The following PTPRT variants were observed in gnomAD, a reference collection of about 807,000 sequenced individuals.
PTPRT encodes protein tyrosine phosphatase receptor type T, also known as receptor-type tyrosine-protein phosphatase T.
In PTPRT, 56 loss-of-function variants were observed where a neutral mutation model predicts 176.8. The observed-to-expected ratio is 0.32, with a 90% CI of 0.26 to 0.40. PTPRT has a LOEUF of 0.40. Ranked by LOEUF, PTPRT falls within the 10% of genes least tolerant of loss-of-function variation. The pLI is 1.00. For missense variants in PTPRT, 1,540 were observed against 1,908.2 expected (o/e 0.81, Z 3.60); for synonymous variants, 783 against 739.0 (o/e 1.06, Z -0.96).
At chr20:43,112,267 C>A (rs978242162) in intron 1 of PTPRT, among the ~76,000 whole-genome samples, 9 of 152,044 alleles carry the variant, frequency 5.9e-5, no homozygotes, top group East Asian at 1.9e-4. Context: ...AAACACACAC[C>A]CACCCTAAAA....
In PTPRT at chr20:42,494,270, G is replaced by A. The variant is rs6130148; in HGVS notation, c.1154-21708C>T. ...CACCTCTAATCCTCTATTTTAATTT[G>A]TTTTTATTGATCTCTTTGAAAATTA... On this transcript the variant is annotated intron_variant, in intron 7 of 30. Coordinates refer to ENST00000373187, the MANE Select transcript of PTPRT (RefSeq NM_007050.6). 3.0e-4 allele frequency among the ~76,000 whole-genome samples: 46 copies of A among 152,102 alleles called. No homozygotes were observed. In the East Asian group the frequency reaches 8.3e-3, roughly 27 times the overall value.
Position 42,118,423 on chromosome 20 carries a change from T to C in PTPRT, c.2962A>G (p.Asn988Asp), listed in dbSNP as rs1454235677. 2 of 1,612,968 alleles carry C rather than the reference T, an allele frequency of 1.2e-6. No homozygotes were observed. The highest frequency in any genetic ancestry group is 1.7e-5 in the Admixed American group (1 of 59,932). Reference sequence around the variant, plus strand: ...CTTACCCTGCCCACTTCCACCAGGTTTGTGACCATGACGATGCTGGCGGAG... The same window carrying C: ...CTTACCCTGCCCACTTCCACCAGGTCTGTGACCATGACGATGCTGGCGGAG... ...ENSASIVMVT[N>D]LVEVGRVKCV... The change falls in exon 21 of 31, where the codon AAC (asparagine) becomes GAC (aspartate). Residue 988 changes from asparagine to aspartate, a missense_variant. Coordinates refer to ENST00000373187, the MANE Select transcript of PTPRT (RefSeq NM_007050.6).
intron 7 of PTPRT, among the ~76,000 whole-genome samples, chr20:42,601,913 C>A (rs8114932): frequency 6.6e-6 from 1 of 151,784 alleles, no homozygotes; most frequent in South Asian, 2.1e-4. Flanking sequence ...AGGTCTGTGC[C>A]GGGCAGGATG....
chr20:42,384,418 T>A (rs147066528), intron 9 of PTPRT, among the ~76,000 whole-genome samples: 1 of 152,198 alleles, frequency 6.6e-6, no homozygotes, highest in East Asian at 1.9e-4. Context: ...TTCTGATGGG[T>A]GGACAAGGGT....
intron 1 of PTPRT, among the ~76,000 whole-genome samples, chr20:42,890,742 G>A (rs887913022): frequency 1.3e-5 from 2 of 152,164 alleles, no homozygotes; most frequent in South Asian, 4.1e-4. Flanking sequence ...AGGTGTTTAT[G>A]GCAGCTTAGG....
intron 1 of PTPRT, among the ~76,000 whole-genome samples, chr20:42,912,631 C>G (rs980330944): frequency 2.6e-5 from 4 of 152,150 alleles, no homozygotes; most frequent in Non-Finnish European, 1.5e-5. Flanking sequence ...TAAATATTCA[C>G]CTGTATCATT....
chr20:42,195,837 C>T (rs928806698), intron 16 of PTPRT, among the ~76,000 whole-genome samples: 2 of 152,110 alleles, frequency 1.3e-5, no homozygotes, highest in Admixed American at 6.5e-5. Flanking sequence ...TACATACACA[C>T]CTTAATCATT....
intron 2 of PTPRT, among the ~76,000 whole-genome samples, chr20:42,829,894 C>A (rs1251895317): frequency 6.6e-6 from 1 of 152,060 alleles, no homozygotes; most frequent in Non-Finnish European, 1.5e-5. Flanking sequence ...AAAGACTGAA[C>A]CAGGAAGAAG....
chr20:42,695,540 T>C (rs1417871286), intron 6 of PTPRT, among the ~76,000 whole-genome samples: 1 of 152,154 alleles, frequency 6.6e-6, no homozygotes. Flanking sequence ...GGATGATGAA[T>C]AGTTAATTTA....
At chr20:42,967,911 T>G (rs982552358) in intron 1 of PTPRT, among the ~76,000 whole-genome samples, 2 of 152,148 alleles carry the variant, frequency 1.3e-5, no homozygotes, top group African/African-American at 4.8e-5. Flanking sequence ...GGCAACCCAA[T>G]GAGGGACATC....
rs1012031115 is a variant in PTPRT at position 42,353,353 on chromosome 20, T to C, written c.1561-1068A>G. 2.0e-5 allele frequency among the ~76,000 whole-genome samples: 3 copies of C among 152,234 alleles called. No homozygotes were observed. In the South Asian group the frequency reaches 6.2e-4, roughly 31 times the overall value. The stretch of plus-strand genomic sequence containing the variant: ...TCCTTGGGGGCATCAGGATAGCTAC[T>C]CTCATTTTAATAATGGAGAAACTGA... On this transcript the variant is annotated intron_variant, in intron 9 of 30. Coordinates refer to ENST00000373187, the MANE Select transcript of PTPRT (RefSeq NM_007050.6).
chr20:42,076,156 A>G lies in PTPRT; in HGVS notation c.*4723T>C. 1 of 202,398 alleles carries G rather than the reference A, an allele frequency of 4.9e-6. No homozygotes were observed. The highest frequency in any genetic ancestry group is 1.0e-5 in the Non-Finnish European group (1 of 98,428). The allele number at this position is 202,398 out of a possible 1,614,324, so 12.5% of individuals were successfully genotyped here. ...ACCACAACCCCATGCCTTACCCAGG[A>G]ATTAATTGTGCCATAGTAATCTCGA... On this transcript the variant is annotated 3_prime_UTR_variant, in exon 31 of 31. Transcript: ENST00000373187.
intron 17 of PTPRT, among the ~76,000 whole-genome samples, chr20:42,155,899 G>A (rs996735606): frequency 6.6e-6 from 1 of 152,130 alleles, no homozygotes. Flanking sequence ...AGAAAGTCCT[G>A]CTCTCTTCGA....
intron 1 of PTPRT, among the ~76,000 whole-genome samples, chr20:43,125,140 C>A (rs548576912): frequency 6.7e-6 from 1 of 149,908 alleles, no homozygotes; most frequent in Non-Finnish European, 1.5e-5. Flanking sequence ...GGATTACAGG[C>A]ATGTGCCGCC....
chr20:43,145,748 C>A (rs2014149787), intron 1 of PTPRT, among the ~76,000 whole-genome samples: 1 of 152,220 alleles, frequency 6.6e-6, no homozygotes, highest in Non-Finnish European at 1.5e-5. Context: ...CCAAAGCCAG[C>A]AAGAATCACT....
intron 6 of PTPRT, among the ~76,000 whole-genome samples, chr20:42,679,128 G>A (rs1446224869): frequency 6.6e-6 from 1 of 152,166 alleles, no homozygotes; most frequent in Non-Finnish European, 1.5e-5. Context: ...AGTCAGCTAA[G>A]TAGACCAGAG....
chr20:42,503,545 T>G (rs1371551740), intron 7 of PTPRT, among the ~76,000 whole-genome samples: 1 of 152,110 alleles, frequency 6.6e-6, no homozygotes, highest in African/African-American at 2.4e-5. Flanking sequence ...ATATAGTTTG[T>G]GTGATGCTGA....
In PTPRT at chr20:42,885,822, G is replaced by T; in HGVS notation, c.199C>A (p.Gln67Lys). 6.2e-7 allele frequency: 1 copy of T among 1,607,846 alleles called. No homozygotes were observed. Among genetic ancestry groups the T allele is most frequent in the Non-Finnish European group, 8.5e-7 (1 of 1,176,016 alleles). ...GATCACATACCTGTGGGCACTGCCT[G>T]GTCCAGCATTGGTTTCTCCCATGTG... ...INTWEKPMLDQAVPTGSFMMV... is the reference protein window; with the variant it reads ...INTWEKPMLDKAVPTGSFMMV... The change falls in exon 2 of 31, where the codon CAG (glutamine) becomes AAG (lysine). Residue 67 changes from glutamine to lysine, a missense_variant. By Grantham distance (53) the Gln-to-Lys change is moderately conservative (BLOSUM62 1). This residue lies in a region of PTPRT where 116 missense variants were observed against 118.5 expected (regional missense o/e 0.98). Coordinates refer to ENST00000373187, the MANE Select transcript of PTPRT (RefSeq NM_007050.6).
chr20:42,338,319 T>C (rs2058067942), intron 11 of PTPRT, among the ~76,000 whole-genome samples: 1 of 152,158 alleles, frequency 6.6e-6, no homozygotes, highest in South Asian at 2.1e-4. Context: ...ATGTCCCTGA[T>C]AGAGAGATGG....
Sources: allele counts gnomAD v4.1 joint callset (sites outside exome capture counted in the v4.1 genomes callset), GRCh38; gene constraint gnomAD v4.1.1; regional missense constraint gnomAD v4.1.1; transcripts MANE v1.5; gene names NCBI Gene and HGNC (gene_info 2026-07-23, HGNC 2026-07-21).